Variants in MCPH1 observed in about 807,000 individuals in gnomAD.
MCPH1 encodes the protein microcephalin 1.
Under a neutral mutation model 84.5 loss-of-function variants are expected in MCPH1, and 104 were observed. The ratio of observed to expected loss-of-function variants is 1.23; its 90% CI spans 1.05 to 1.45. The LOEUF is 1.45. Ranked by LOEUF, MCPH1 falls within the 40% of genes most tolerant of loss-of-function variation. The pLI is 0.00. For missense variants in MCPH1, 1,498 were observed against 1,005.7 expected, an observed-to-expected ratio of 1.49 and a Z score of -6.62; for synonymous variants, 514 against 366.8, an observed-to-expected ratio of 1.40 and a Z score of -4.58.
chr8:6,455,211 A>G lies in MCPH1; in HGVS notation c.1894A>G (p.Lys632Glu), dbSNP rs377464331. Residue 632 changes from lysine (K) to glutamate (E), a missense_variant, in exon 9 of 14, where the codon AAA becomes GAA. Coordinates refer to ENST00000344683, the MANE Select transcript of MCPH1 (RefSeq NM_024596.5). Reference protein sequence around the residue: ...DSCDGFKDLIKPHEELKKSGR... With the variant: ...DSCDGFKDLIEPHEELKKSGR... ...ATGTGACGGCTTTAAGGACCTCATC[A>G]AACCTCATGAGGAATTGAAGAAAAG... 5.8e-5 allele frequency: 93 copies of G among 1,614,098 alleles called. No individual in the cohort carries two copies. The African/African-American group carries it at 1.0e-3, about 17-fold the overall frequency.
chr8:6,467,543 A>T (rs1314680609), intron 9 of MCPH1, among the ~76,000 whole-genome samples: 1 of 152,074 alleles, frequency 6.6e-6, no homozygotes, highest in Non-Finnish European at 1.5e-5. Flanking sequence ...GGGACCATGG[A>T]TAGGAAAGTA....
chr8:6,444,789 G>C lies in MCPH1; in HGVS notation c.1067G>C (p.Arg356Thr). The C allele has an allele frequency of 1.9e-6, 3 of 1,614,010 alleles. No individual in the cohort carries two copies. Among genetic ancestry groups the C allele is most frequent in the Non-Finnish European group, 2.5e-6 (3 of 1,179,986 alleles). Residue 356 changes from arginine to threonine, a missense_variant, in exon 8 of 14, where the codon AGA becomes ACA. Transcript: ENST00000344683. ...HSRPRSSSVKRKRVSHGSHSP... is the reference protein window; with the variant it reads ...HSRPRSSSVKTKRVSHGSHSP... ...AGACCCAGGAGTTCCTCAGTAAAGA[G>C]AAAAAGAGTATCACATGGCTCCCAT... is the stretch of plus-strand genomic sequence containing the variant.
chr8:6,482,532 C>G (rs1809373695), intron 11 of MCPH1, among the ~76,000 whole-genome samples: 1 of 152,230 alleles, frequency 6.6e-6, no homozygotes, highest in Admixed American at 6.5e-5. Context: ...CTCTCCCTTC[C>G]CTCAGGTTTT....
intron 13 of MCPH1, among the ~76,000 whole-genome samples, chr8:6,639,281 G>C (rs867355884): frequency 2.6e-5 from 4 of 152,032 alleles, no homozygotes; most frequent in African/African-American, 9.7e-5. Flanking sequence ...AAGTACACAG[G>C]GTCCTCCAGT....
At chr8:6,527,226 T>C (rs972638749) in intron 12 of MCPH1, among the ~76,000 whole-genome samples, 2 of 150,314 alleles carry the variant, frequency 1.3e-5, no homozygotes, top group Non-Finnish European at 3.0e-5. Context: ...GAGGATCTTT[T>C]GGGCCAGTGG....
At chr8:6,454,573 T>G (rs1805475271) in intron 8 of MCPH1, among the ~76,000 whole-genome samples, 1 of 152,226 alleles carries the variant, frequency 6.6e-6, no homozygotes, top group Admixed American at 6.5e-5. Context: ...CTACAGAGGT[T>G]AGCATCTAAG....
At chr8:6,529,403 G>A (rs1173977878) in intron 12 of MCPH1, among the ~76,000 whole-genome samples, 1 of 151,918 alleles carries the variant, frequency 6.6e-6, no homozygotes, top group Non-Finnish European at 1.5e-5. Context: ...CAAACAGAGT[G>A]GGTACATAAT....
intron 12 of MCPH1, among the ~76,000 whole-genome samples, chr8:6,601,522 G>GAC (rs144757663): frequency 0.081 from 11,612 of 143,920 alleles, 1,519 homozygotes; most frequent in African/African-American, 0.28. Context: ...CATCATATGG[G>GAC]ACACACACAC....
chr8:6,505,502 TGTATATATAGAATATATATTCTTTATATA>T lies in MCPH1; in HGVS notation c.2214+5574_2214+5602del, dbSNP rs1813381698. ...ATAGAATATATATATTCTTTATATA[TGTATATATAGAATATATATTCTTTATATA>T]TGTATATATAGAATATATATACTTT... On this transcript the variant is annotated intron_variant, in intron 12 of 13. Transcript: ENST00000344683. Among the ~76,000 whole-genome samples, 6 of 5,072 alleles carry T rather than the reference TGTATATATAGAATATATATTCTTTATATA, an allele frequency of 1.2e-3. 1 individual carries two copies. Among genetic ancestry groups the T allele is most frequent in the Admixed American group, 0.011 (2 of 186 alleles). The allele number at this position is 5,072 out of a possible 152,430, so 3.3% of individuals were successfully genotyped here.
At chr8:6,445,781 G>T in intron 8 of MCPH1, 1 of 1,310,280 alleles carries the variant, frequency 7.6e-7, no homozygotes, top group South Asian at 2.2e-5. Flanking sequence ...ATTTCTCCAA[G>T]ACTTTTCCTT....
intron 3 of MCPH1, among the ~76,000 whole-genome samples, chr8:6,417,452 G>GT (rs1799480528): frequency 6.6e-6 from 1 of 152,160 alleles, no homozygotes; most frequent in Non-Finnish European, 1.5e-5. Context: ...AATCCTTTCT[G>GT]TGTAATACAC....
At chr8:6,587,806 G>C (rs1828115870) in intron 12 of MCPH1, among the ~76,000 whole-genome samples, 2 of 152,210 alleles carry the variant, frequency 1.3e-5, no homozygotes, top group African/African-American at 4.8e-5. Flanking sequence ...CTAAGTTAAA[G>C]GATGGTAAAT....
Position 6,532,211 on chromosome 8 carries a change from C to G in MCPH1, c.2214+32282C>G, listed in dbSNP as rs1368695513. ...TCCTTAATTTCTTATCAATTCATTC[C>G]TTTTCTCCTGTGGTGGTGCTTTCTT... On this transcript the variant is annotated intron_variant, in intron 12 of 13. Coordinates refer to ENST00000344683, the MANE Select transcript of MCPH1 (RefSeq NM_024596.5). 16 of 1,158,644 alleles carry G rather than the reference C, an allele frequency of 1.4e-5. No individual in the cohort carries two copies. The East Asian group carries it at 3.3e-4, about 24-fold the overall frequency. 71.8% of individuals were successfully genotyped at this position (1,158,644 alleles called of 1,614,324 possible).
At chr8:6,641,019 G>T (rs1169497555) in intron 13 of MCPH1, among the ~76,000 whole-genome samples, 1 of 151,896 alleles carries the variant, frequency 6.6e-6, no homozygotes, top group East Asian at 1.9e-4. Flanking sequence ...TGCTATAATT[G>T]TACAGACTGT....
chr8:6,593,396 T>C (rs1458638675), intron 12 of MCPH1, among the ~76,000 whole-genome samples: 5 of 139,896 alleles, frequency 3.6e-5, no homozygotes, highest in African/African-American at 1.4e-4. Flanking sequence ...AATTTATGAT[T>C]AAGGCTGCAG....
intron 12 of MCPH1, among the ~76,000 whole-genome samples, chr8:6,541,558 C>T (rs942437871): frequency 2.0e-5 from 3 of 152,186 alleles, no homozygotes; most frequent in Non-Finnish European, 4.4e-5. Flanking sequence ...AGACGCTCGG[C>T]AGGTCCTTGG....
intron 13 of MCPH1, chr8:6,625,632 G>A: frequency 1.0e-6 from 1 of 985,348 alleles, no homozygotes; most frequent in African/African-American, 1.7e-5. Flanking sequence ...GGGTCCCTGA[G>A]CGTCTTAGAG....
At chr8:6,637,842 A>T (rs1797670227) in intron 13 of MCPH1, among the ~76,000 whole-genome samples, 1 of 152,044 alleles carries the variant, frequency 6.6e-6, no homozygotes, top group Non-Finnish European at 1.5e-5. Flanking sequence ...GGGGGTTAGG[A>T]CCAGGGACGT....
At chr8:6,501,976 G>A (rs1812290589) in intron 12 of MCPH1, 1 of 148,490 alleles carries the variant, frequency 6.7e-6, no homozygotes, top group South Asian at 2.1e-4. Context: ...ACTTACTAGT[G>A]TCAATTATTT....
Sources: allele counts gnomAD v4.1 joint callset (sites outside exome capture counted in the v4.1 genomes callset), GRCh38; gene constraint gnomAD v4.1.1; transcripts MANE v1.5; gene names NCBI Gene and HGNC (gene_info 2026-07-23, HGNC 2026-07-21).